MCPH1: variants seen among roughly 807,000 people sequenced by gnomAD.
MCPH1 encodes microcephalin.
Under a neutral mutation model 84.5 loss-of-function variants are expected in MCPH1, and 104 were observed. That is an observed-to-expected ratio of 1.23 (90% CI 1.05 to 1.45). The LOEUF is 1.45. Ranked by LOEUF, MCPH1 falls within the 40% of genes most tolerant of loss-of-function variation. MCPH1 has a pLI of 0.00. For synonymous variants in MCPH1, 514 were observed against 366.8 expected (o/e 1.40, Z -4.58); for missense variants, 1,498 against 1,005.7 (o/e 1.49, Z -6.62).
At chr8:6,537,017 A>G (rs1238040225) in intron 12 of MCPH1, among the ~76,000 whole-genome samples, 1 of 150,370 alleles carries the variant, frequency 6.7e-6, no homozygotes, top group Non-Finnish European at 1.5e-5. Flanking sequence ...GCCATCCTCC[A>G]CTGGCAGCAC....
intron 12 of MCPH1, among the ~76,000 whole-genome samples, chr8:6,519,139 C>T (rs115992080): frequency 5.6e-4 from 85 of 152,228 alleles, no homozygotes; most frequent in Middle Eastern, 3.4e-3. Flanking sequence ...TGGTGTGTTT[C>T]GAGTCTTCCA....
intron 12 of MCPH1, among the ~76,000 whole-genome samples, chr8:6,566,100 G>A (rs564161979): frequency 6.6e-6 from 1 of 152,356 alleles, no homozygotes; most frequent in East Asian, 1.9e-4. Context: ...AACTGAGTGA[G>A]CGTGCTGGGC....
Position 6,508,806 on chromosome 8 carries a change from A to G in MCPH1, c.2214+8877A>G, listed in dbSNP as rs1273451177. The G allele has an allele frequency of 1.6e-5, 21 of 1,302,950 alleles. 1 individual carries two copies. The Admixed American group carries it at 2.9e-4, about 18-fold the overall frequency. The allele number at this position is 1,302,950 out of a possible 1,614,324, so 80.7% of individuals were successfully genotyped here. A position where few individuals can be genotyped will look rare whatever the true frequency, so the allele number is the denominator to read the frequency against. ...AAAACACATTTACCTATATCAAGCT[A>G]GTGTGTCTACGTATGAAATTGTGGA... On this transcript the variant is annotated intron_variant, in intron 12 of 13. Transcript: ENST00000344683.
intron 9 of MCPH1, among the ~76,000 whole-genome samples, chr8:6,456,438 C>A (rs933547395): frequency 6.6e-6 from 1 of 152,212 alleles, no homozygotes; most frequent in Non-Finnish European, 1.5e-5. Flanking sequence ...CCTACTGCTA[C>A]ATGGCCGCTT....
At chr8:6,429,051 C>G (rs765320533) in intron 3 of MCPH1, among the ~76,000 whole-genome samples, 5 of 152,194 alleles carry the variant, frequency 3.3e-5, no homozygotes, top group Non-Finnish European at 7.3e-5. Context: ...CACTCATCTG[C>G]TGTTTGCATG....
intron 12 of MCPH1, among the ~76,000 whole-genome samples, chr8:6,532,015 C>T (rs533538133): frequency 5.3e-5 from 8 of 152,130 alleles, no homozygotes; most frequent in African/African-American, 9.7e-5. Flanking sequence ...AAATGATTCC[C>T]GGAGTCCAGA....
rs150972123 is a variant in MCPH1 at position 6,571,757 on chromosome 8, G to A, written c.2215-49697G>A. On this transcript the variant is annotated intron_variant, in intron 12 of 13. Transcript: ENST00000344683. ...CTTTTGGTATCCCCATCCATCTGGC[G>A]GACTTAATATGAAAAAATCTTCCTG... Among the ~76,000 whole-genome samples the A allele has an allele frequency of 6.3e-3, 963 of 152,160 alleles. 7 individuals are homozygous for A. The highest frequency in any genetic ancestry group is 0.023 in the African/African-American group (938 of 41,524).
rs566998465 is a variant in MCPH1, at chr8:6,625,551, T to C, written c.2452+3860T>C. On this transcript the variant is annotated intron_variant, in intron 13 of 13. Coordinates refer to ENST00000344683, the MANE Select transcript of MCPH1 (RefSeq NM_024596.5). ...TATTTTGTTTAAATAAATTAAATTA[T>C]GAAAAGACAATACTCAAAAAAAAAT... 7 of 938,704 alleles carry C rather than the reference T, an allele frequency of 7.5e-6. No homozygotes were observed. In the African/African-American group the frequency reaches 1.1e-4, roughly 14 times the overall value. The allele number at this position is 938,704 out of a possible 1,614,324, so 58.1% of individuals were successfully genotyped here. A position where few individuals can be genotyped will look rare whatever the true frequency, so the allele number is the denominator to read the frequency against.
At chr8:6,493,608 G>A (rs1017494785) in intron 11 of MCPH1, among the ~76,000 whole-genome samples, 6 of 152,150 alleles carry the variant, frequency 3.9e-5, no homozygotes, top group Admixed American at 2.6e-4. Flanking sequence ...CTAATGTGTG[G>A]ATCACCTGGG....
chr8:6,524,942 A>G (rs2442616), intron 12 of MCPH1, among the ~76,000 whole-genome samples: 2 of 152,172 alleles, frequency 1.3e-5, no homozygotes, highest in Non-Finnish European at 2.9e-5. Context: ...CTGTGTCACA[A>G]GGGCAGACAC....
intron 12 of MCPH1, among the ~76,000 whole-genome samples, chr8:6,507,139 C>G (rs1045475025): frequency 1.3e-5 from 2 of 152,208 alleles, no homozygotes; most frequent in Non-Finnish European, 2.9e-5. Flanking sequence ...CTCAGGTGAT[C>G]CATCCACCTT....
intron 12 of MCPH1, chr8:6,509,078 G>A (rs749652456): frequency 8.1e-6 from 13 of 1,603,630 alleles, no homozygotes; most frequent in Admixed American, 7.0e-5. Context: ...AGCGTGCAAA[G>A]AAAAAAAACA....
intron 8 of MCPH1, among the ~76,000 whole-genome samples, chr8:6,451,344 A>G (rs929855700): frequency 1.3e-5 from 2 of 152,192 alleles, no homozygotes; most frequent in Admixed American, 6.5e-5. Context: ...ACTATGTCCA[A>G]TGTATAAACA....
intron 13 of MCPH1, among the ~76,000 whole-genome samples, chr8:6,634,353 C>T (rs935557755): frequency 1.3e-5 from 2 of 152,206 alleles, no homozygotes; most frequent in South Asian, 2.1e-4. Flanking sequence ...CCAAGATTAT[C>T]GCTAATGAAA....
chr8:6,538,361 A>G (rs1820887287), intron 12 of MCPH1, among the ~76,000 whole-genome samples: 1 of 152,198 alleles, frequency 6.6e-6, no homozygotes, highest in Admixed American at 6.5e-5. Flanking sequence ...CTGGCCACGC[A>G]TCCCCCAGCT....
intron 13 of MCPH1, among the ~76,000 whole-genome samples, chr8:6,632,768 C>T (rs754079136): frequency 6.6e-6 from 1 of 151,912 alleles, no homozygotes; most frequent in Non-Finnish European, 1.5e-5. Flanking sequence ...AAGAGTGCGC[C>T]ATTGCACTCC....
chr8:6,647,841 A>G lies in MCPH1; in HGVS notation c.*4792A>G, dbSNP rs1798286707. The G allele has an allele frequency of 6.6e-6, 1 of 152,250 alleles. No individual in the cohort carries two copies. The highest frequency in any genetic ancestry group is 2.4e-5 in the African/African-American group (1 of 41,462). The allele number at this position is 152,250 out of a possible 1,614,324, so 9.4% of individuals were successfully genotyped here. ...TGTGATTTTGGTTACACAACTGTATACATTTACTAAAATCAATGAACAGAA... is the reference window on the plus strand; with the variant it reads ...TGTGATTTTGGTTACACAACTGTATGCATTTACTAAAATCAATGAACAGAA... On this transcript the variant is annotated 3_prime_UTR_variant, in exon 14 of 14. Coordinates refer to ENST00000344683, the MANE Select transcript of MCPH1 (RefSeq NM_024596.5).
intron 12 of MCPH1, among the ~76,000 whole-genome samples, chr8:6,534,092 C>T (rs1440220324): frequency 6.6e-6 from 1 of 152,094 alleles, no homozygotes; most frequent in Admixed American, 6.5e-5. Context: ...CCCTGGCAGT[C>T]GTTCTCCCGT....
At chr8:6,621,809 C>G (rs1027816852) in intron 13 of MCPH1, 118 bp downstream of exon 13, 103 of 1,368,882 alleles carry the variant, frequency 7.5e-5, no homozygotes, top group Non-Finnish European at 9.7e-5. Context: ...GGGTTGATGT[C>G]TCAGCCTCCA....
Sources: gnomAD v4.1 joint callset for allele counts (sites outside exome capture counted in the v4.1 genomes callset) on GRCh38, gnomAD v4.1.1 for gene constraint, MANE v1.5 for transcripts, NCBI Gene and HGNC (gene_info 2026-07-23, HGNC 2026-07-21) for gene names.